PTPRD: variants seen among roughly 807,000 people sequenced by gnomAD.
The protein encoded by PTPRD is receptor-type tyrosine-protein phosphatase delta.
Under a neutral mutation model 214.5 loss-of-function variants are expected in PTPRD, and 34 were observed. That is an observed-to-expected ratio of 0.16 (90% CI 0.12 to 0.21). The LOEUF is 0.21. Among genes scored for constraint, PTPRD ranks in the 10% least tolerant of loss-of-function variants. PTPRD has a pLI of 1.00. For synonymous variants in PTPRD, 1,128 were observed against 845.7 expected (o/e 1.33, Z -5.79); for missense variants, 2,545 against 2,398.7 (o/e 1.06, Z -1.27).
chr9:8,826,606 C>T (rs1350445854), intron 11 of PTPRD, among the ~76,000 whole-genome samples: 1 of 149,838 alleles, frequency 6.7e-6, no homozygotes, highest in Non-Finnish European at 1.5e-5. Flanking sequence ...TGTACAAGAC[C>T]AAGATTCCAA....
chr9:9,950,145 T>G (rs191265379), intron 4 of PTPRD, among the ~76,000 whole-genome samples: 39 of 152,276 alleles, frequency 2.6e-4, no homozygotes, highest in African/African-American at 8.7e-4. Flanking sequence ...GACAACGACC[T>G]TTGTGTGAAC....
At chr9:8,455,635 G>A (rs2096164445) in intron 33 of PTPRD, among the ~76,000 whole-genome samples, 1 of 152,026 alleles carries the variant, frequency 6.6e-6, no homozygotes, top group Non-Finnish European at 1.5e-5. Flanking sequence ...CATTTAAATG[G>A]TACAAACACA....
rs77747972 is a variant in PTPRD, at chr9:8,926,731, T to A, written c.-104+91966A>T. The stretch of plus-strand genomic sequence containing the variant: ...CATTAAATATTTTTATGTATATAAC[T>A]TGGCTGCCCTTCAGGCAGGCTGTGC... On this transcript the variant is annotated intron_variant, in intron 11 of 45. Coordinates refer to ENST00000381196, the MANE Select transcript of PTPRD (RefSeq NM_002839.4). Among the ~76,000 whole-genome samples, 689 of 152,342 alleles carry A rather than the reference T, an allele frequency of 4.5e-3. 7 individuals are homozygous for A. The highest frequency in any genetic ancestry group is 0.016 in the African/African-American group (658 of 41,574).
At chr9:10,366,606 G>A (rs1382520410) in intron 2 of PTPRD, among the ~76,000 whole-genome samples, 2 of 152,098 alleles carry the variant, frequency 1.3e-5, no homozygotes, top group East Asian at 3.9e-4. Flanking sequence ...TGTCATATTT[G>A]TTATTTTTGC....
At chr9:9,490,135 A>G (rs1436986534) in intron 8 of PTPRD, among the ~76,000 whole-genome samples, 1 of 152,118 alleles carries the variant, frequency 6.6e-6, no homozygotes, top group East Asian at 1.9e-4. Context: ...GCAATTGCCA[A>G]ACAAGAATGC....
chr9:9,354,913 G>T (rs922446893), intron 9 of PTPRD, among the ~76,000 whole-genome samples: 1 of 151,714 alleles, frequency 6.6e-6, no homozygotes, highest in African/African-American at 2.4e-5. Flanking sequence ...TCCATGCCTG[G>T]CATTTTCAAT....
At chr9:9,061,832 C>A (rs1481756770) in intron 10 of PTPRD, among the ~76,000 whole-genome samples, 1 of 152,122 alleles carries the variant, frequency 6.6e-6, no homozygotes, top group East Asian at 1.9e-4. Context: ...CTTCTATCCT[C>A]CTGTAGAGAG....
At chr9:9,035,975 C>T (rs529264556) in intron 10 of PTPRD, among the ~76,000 whole-genome samples, 21 of 152,162 alleles carry the variant, frequency 1.4e-4, no homozygotes, top group African/African-American at 4.1e-4. Context: ...TGTGCTTAAT[C>T]ATTCTTACCT....
chr9:9,469,202 G>A (rs1343442516), intron 8 of PTPRD, among the ~76,000 whole-genome samples: 2 of 152,008 alleles, frequency 1.3e-5, no homozygotes, highest in African/African-American at 4.8e-5. Context: ...ATGGATATAT[G>A]TTAAATAAAT....
At chr9:8,656,684 A>C (rs2096916097) in intron 12 of PTPRD, among the ~76,000 whole-genome samples, 1 of 152,224 alleles carries the variant, frequency 6.6e-6, no homozygotes, top group Non-Finnish European at 1.5e-5. Flanking sequence ...AGGGAAGCTG[A>C]ATTGAAATAT....
At chr9:9,555,103 CAG>C (rs1403666052) in intron 8 of PTPRD, among the ~76,000 whole-genome samples, 3 of 151,952 alleles carry the variant, frequency 2.0e-5, no homozygotes. Context: ...TGAAACATTT[CAG>C]AGTTTTGAGC....
chr9:10,174,711 A>G (rs1306703063), intron 3 of PTPRD, among the ~76,000 whole-genome samples: 1 of 152,020 alleles, frequency 6.6e-6, no homozygotes, highest in Non-Finnish European at 1.5e-5. Context: ...ATATATACAT[A>G]TATATGTACA....
chr9:10,152,711 G>C (rs558575275), intron 3 of PTPRD, among the ~76,000 whole-genome samples: 1 of 152,258 alleles, frequency 6.6e-6, no homozygotes, highest in East Asian at 1.9e-4. Context: ...TGTAATCCCA[G>C]CTACTCAAGA....
At chr9:10,447,894 T>G (rs2098810443) in intron 2 of PTPRD, among the ~76,000 whole-genome samples, 1 of 152,042 alleles carries the variant, frequency 6.6e-6, no homozygotes, top group African/African-American at 2.4e-5. Context: ...ACAGAGAAAC[T>G]TGAAATCAAG....
intron 3 of PTPRD, among the ~76,000 whole-genome samples, chr9:10,317,723 A>G (rs757920755): frequency 6.6e-6 from 1 of 152,026 alleles, no homozygotes; most frequent in Non-Finnish European, 1.5e-5. Context: ...GATTTTTTAA[A>G]GCAAACACAA....
At chr9:10,215,975 A>T (rs952514141) in intron 3 of PTPRD, among the ~76,000 whole-genome samples, 1 of 152,054 alleles carries the variant, frequency 6.6e-6, no homozygotes, top group African/African-American at 2.4e-5. Context: ...CCTGAATATC[A>T]ATAGTGGCAA....
Position 10,574,765 on chromosome 9 carries a change from ATG to A in PTPRD, c.-600+37631_-600+37632del, listed in dbSNP as rs34013585. ...TAAATTATAAATGGTTCAAATATATATGTGTGTGTGTATATATATACACACAC... is the reference window on the plus strand; with the variant it reads ...TAAATTATAAATGGTTCAAATATATATGTGTGTGTATATATATACACACAC... On this transcript the variant is annotated intron_variant, in intron 2 of 45. Coordinates refer to ENST00000381196, the MANE Select transcript of PTPRD (RefSeq NM_002839.4). Among the ~76,000 whole-genome samples the A allele has an allele frequency of 7.5e-4, 112 of 148,558 alleles. No individual in the cohort carries two copies. The East Asian group carries it at 8.5e-3, about 11-fold the overall frequency.
intron 9 of PTPRD, among the ~76,000 whole-genome samples, chr9:9,225,364 C>G (rs1436295652): frequency 6.6e-6 from 1 of 152,040 alleles, no homozygotes; most frequent in Non-Finnish European, 1.5e-5. Flanking sequence ...GCCTTAACAT[C>G]TTTATCGAAG....
At chr9:8,657,704 T>A (rs1195620091) in intron 12 of PTPRD, among the ~76,000 whole-genome samples, 1 of 152,192 alleles carries the variant, frequency 6.6e-6, no homozygotes, top group Non-Finnish European at 1.5e-5. Context: ...CATGAAATCT[T>A]TGCCCGTGCC....
Sources: allele counts gnomAD v4.1 joint callset (sites outside exome capture counted in the v4.1 genomes callset), GRCh38; gene constraint gnomAD v4.1.1; transcripts MANE v1.5; gene names NCBI Gene and HGNC (gene_info 2026-07-23, HGNC 2026-07-21).